Variants in UBE2E2 observed in about 807,000 individuals in gnomAD.
UBE2E2 encodes ubiquitin conjugating enzyme E2 E2, also known as ubiquitin-conjugating enzyme E2 E2.
In UBE2E2, 6 loss-of-function variants were observed where a neutral mutation model predicts 24.7. That is an observed-to-expected ratio of 0.24 (90% CI 0.13 to 0.48). The LOEUF is 0.48. Among genes scored for constraint, UBE2E2 ranks in the 20% least tolerant of loss-of-function variants. The probability of loss-of-function intolerance (pLI) is 0.99; values close to 1 mark genes in which losing one functional copy is unlikely to be tolerated. For synonymous variants in UBE2E2, 104 were observed against 83.6 expected, an observed-to-expected ratio of 1.24 and a Z score of -1.33; for missense variants, 169 against 245.0, an observed-to-expected ratio of 0.69 and a Z score of 2.07.
At chr3:23,475,657 G>A (rs35209889) in intron 3 of UBE2E2, among the ~76,000 whole-genome samples, 9,216 of 152,070 alleles carry the variant, frequency 0.061, 463 homozygotes, top group Non-Finnish European at 0.087. Context: ...TCAGGAAATG[G>A]TAATTTATTT....
At chr3:23,346,533 CA>C (rs1486087517) in intron 3 of UBE2E2, among the ~76,000 whole-genome samples, 2 of 152,154 alleles carry the variant, frequency 1.3e-5, no homozygotes, top group East Asian at 3.8e-4. Flanking sequence ...TTAAAAGCTA[CA>C]CAAAAATTCA....
At chr3:23,551,777 G>T (rs982445127) in intron 5 of UBE2E2, among the ~76,000 whole-genome samples, 2 of 152,204 alleles carry the variant, frequency 1.3e-5, no homozygotes, top group African/African-American at 4.8e-5. Flanking sequence ...TGCTGTAGCT[G>T]GTCCCAGGCT....
At chr3:23,491,306 CAGTAT>C (rs1699490174) in intron 3 of UBE2E2, among the ~76,000 whole-genome samples, 1 of 152,158 alleles carries the variant, frequency 6.6e-6, no homozygotes, top group Non-Finnish European at 1.5e-5. Context: ...TTTTCACTGT[CAGTAT>C]AGAGTTCTTT....
At chr3:23,580,734 C>A (rs569443278) in intron 5 of UBE2E2, among the ~76,000 whole-genome samples, 1 of 152,302 alleles carries the variant, frequency 6.6e-6, no homozygotes, top group South Asian at 2.1e-4. Context: ...TATGCTTGAA[C>A]TAAATGTTGA....
At chr3:23,385,733 G>A (rs1009537915) in intron 3 of UBE2E2, among the ~76,000 whole-genome samples, 4 of 152,190 alleles carry the variant, frequency 2.6e-5, no homozygotes, top group African/African-American at 4.8e-5. Context: ...AGAGACAAAA[G>A]TCGTAGTAAT....
At chr3:23,207,190 A>G (rs1575469462) in intron 1 of UBE2E2, among the ~76,000 whole-genome samples, 1 of 152,186 alleles carries the variant, frequency 6.6e-6, no homozygotes, top group Non-Finnish European at 1.5e-5. Context: ...TAGTCAGCTC[A>G]TAAGGGATGT....
chr3:23,290,889 T>TA (rs71051209), intron 3 of UBE2E2, among the ~76,000 whole-genome samples: 7,423 of 86,636 alleles, frequency 0.086, 442 homozygotes, highest in Non-Finnish European at 0.096. Flanking sequence ...ACTGTGTGTC[T>TA]AAAAAAAAAA....
chr3:23,287,690 T>G lies in UBE2E2; in HGVS notation c.227+70378T>G. Among the ~76,000 whole-genome samples, 2 of 152,118 alleles carry G rather than the reference T, an allele frequency of 1.3e-5. 1 individual carries two copies. Among genetic ancestry groups the G allele is most frequent in the Non-Finnish European group, 2.9e-5 (2 of 68,010 alleles). On this transcript the variant is annotated intron_variant, in intron 3 of 5. Transcript: ENST00000396703. ...AGGAAATCATCTGTTTCTTCTAGGT[T>G]TTCAGATGGATTGGCATATCTTTGC...
chr3:23,558,840 C>T (rs1022512012), intron 5 of UBE2E2, among the ~76,000 whole-genome samples: 8 of 152,074 alleles, frequency 5.3e-5, no homozygotes, highest in African/African-American at 1.9e-4. Flanking sequence ...CAAGAGGGTC[C>T]CTTGAGCCCA....
At chr3:23,318,486 A>G (rs1575557799) in intron 3 of UBE2E2, among the ~76,000 whole-genome samples, 1 of 152,356 alleles carries the variant, frequency 6.6e-6, no homozygotes, top group East Asian at 1.9e-4. Flanking sequence ...GCTGATAAAG[A>G]CATACCCAAG....
intron 3 of UBE2E2, among the ~76,000 whole-genome samples, chr3:23,285,461 G>C (rs985029291): frequency 6.6e-6 from 1 of 152,164 alleles, no homozygotes; most frequent in Non-Finnish European, 1.5e-5. Context: ...ACTGTTCTCT[G>C]TAGTGGTTGT....
At chr3:23,581,481 A>C (rs754696341) in intron 5 of UBE2E2, among the ~76,000 whole-genome samples, 4 of 152,180 alleles carry the variant, frequency 2.6e-5, no homozygotes, top group Non-Finnish European at 5.9e-5. Context: ...ACACAAATAC[A>C]TATTTGTTTT....
chr3:23,495,657 T>C (rs1699583644), intron 3 of UBE2E2, among the ~76,000 whole-genome samples: 1 of 152,218 alleles, frequency 6.6e-6, no homozygotes, highest in Non-Finnish European at 1.5e-5. Flanking sequence ...TTGGGTTTAA[T>C]TATAGCTCAG....
intron 4 of UBE2E2, among the ~76,000 whole-genome samples, chr3:23,526,334 T>C (rs1694997552): frequency 6.6e-6 from 1 of 152,196 alleles, no homozygotes; most frequent in Admixed American, 6.5e-5. Flanking sequence ...AGAGATCTTC[T>C]CCTTCCTCAG....
chr3:23,236,725 A>C (rs1697123439), intron 3 of UBE2E2, among the ~76,000 whole-genome samples: 1 of 152,130 alleles, frequency 6.6e-6, no homozygotes, highest in African/African-American at 2.4e-5. Context: ...AGAACAGGAA[A>C]GACTACCCTC....
intron 3 of UBE2E2, among the ~76,000 whole-genome samples, chr3:23,328,711 A>G (rs1184554635): frequency 6.8e-6 from 1 of 146,806 alleles, no homozygotes; most frequent in Admixed American, 6.9e-5. Context: ...CGCCCACGCT[A>G]AGTGCAGTGG....
intron 3 of UBE2E2, among the ~76,000 whole-genome samples, chr3:23,366,894 T>C (rs1172286282): frequency 6.6e-6 from 1 of 152,238 alleles, no homozygotes; most frequent in African/African-American, 2.4e-5. Flanking sequence ...ACAGAAACTA[T>C]GTTCTAATTA....
intron 3 of UBE2E2, among the ~76,000 whole-genome samples, chr3:23,441,307 G>A (rs1380190133): frequency 1.4e-5 from 2 of 147,668 alleles, no homozygotes; most frequent in African/African-American, 2.5e-5. Context: ...GGCAGATCAC[G>A]ACGTCATGAG....
chr3:23,262,039 C>T (rs1697915734), intron 3 of UBE2E2, among the ~76,000 whole-genome samples: 1 of 152,096 alleles, frequency 6.6e-6, no homozygotes, highest in African/African-American at 2.4e-5. Context: ...TTTTGAGGAG[C>T]CTCCATATTG....
Sources: allele counts gnomAD v4.1 joint callset (sites outside exome capture counted in the v4.1 genomes callset), GRCh38; gene constraint gnomAD v4.1.1; transcripts MANE v1.5; gene names NCBI Gene and HGNC (gene_info 2026-07-23, HGNC 2026-07-21).